Variants in MARCHF10 observed in about 807,000 individuals in gnomAD.
The protein encoded by MARCHF10 is probable E3 ubiquitin-protein ligase MARCHF10.
MARCHF10 carries 64 observed loss-of-function variants against 76.2 expected under a neutral mutation model. The observed-to-expected ratio is 0.84, with a 90% CI of 0.69 to 1.03. MARCHF10 has a LOEUF of 1.03. MARCHF10 is among the 50% of genes least tolerant of loss of function. The pLI is 0.00. For synonymous variants in MARCHF10, 340 were observed against 357.5 expected, an observed-to-expected ratio of 0.95 and a Z score of 0.55; for missense variants, 875 against 958.0, an observed-to-expected ratio of 0.91 and a Z score of 1.14.
chr17:62,733,972 C>G (rs2091148282), intron 6 of MARCHF10, among the ~76,000 whole-genome samples: 1 of 152,150 alleles, frequency 6.6e-6, no homozygotes, highest in African/African-American at 2.4e-5. Flanking sequence ...TGCTTGAGAT[C>G]AAGAGTTCGA....
intron 2 of MARCHF10, among the ~76,000 whole-genome samples, chr17:62,798,891 G>A (rs903992445): frequency 2.0e-5 from 3 of 152,312 alleles, no homozygotes; most frequent in Admixed American, 2.0e-4. Flanking sequence ...AGGATCTCAG[G>A]CTGGGTACCA....
chr17:62,744,343 A>G, intron 5 of MARCHF10, 33 bp downstream of exon 5: 1 of 1,593,992 alleles, frequency 6.3e-7, no homozygotes, highest in Non-Finnish European at 8.5e-7. Context: ...CCTCCTCTCC[A>G]AGGACAAAGG....
At chr17:62,750,404 G>C (rs1485409071) in intron 4 of MARCHF10, 4 of 154,074 alleles carry the variant, frequency 2.6e-5, no homozygotes, top group Non-Finnish European at 4.4e-5. Flanking sequence ...CTGGGCCACT[G>C]GGGAGGCAGG....
intron 5 of MARCHF10, among the ~76,000 whole-genome samples, chr17:62,742,199 C>T (rs1327050772): frequency 1.3e-5 from 2 of 150,724 alleles, no homozygotes; most frequent in Non-Finnish European, 3.0e-5. Context: ...TTTGTATTTT[C>T]TGTAGAGACA....
intron 3 of MARCHF10, among the ~76,000 whole-genome samples, chr17:62,782,649 G>A (rs187980906): frequency 1.2e-4 from 19 of 152,102 alleles, no homozygotes; most frequent in Non-Finnish European, 2.2e-4. Context: ...CTGGCCAAAC[G>A]ACTGTATTTT....
rs570613060 is a variant in MARCHF10, at chr17:62,738,176, G to T, written c.536-844C>A. Reference sequence around the variant, plus strand: ...TAACTTGAGAGTACCAAGGCTTAGGGCAGTCACATAACTAGCCCAAGATCC... The same window carrying T: ...TAACTTGAGAGTACCAAGGCTTAGGTCAGTCACATAACTAGCCCAAGATCC... On this transcript the variant is annotated intron_variant, in intron 5 of 10. Transcript: ENST00000311269. This position sits in a 1 kb window ranked among gnomAD's most constrained non-coding sequence, Gnocchi z 4.0. Among the ~76,000 whole-genome samples the T allele has an allele frequency of 6.6e-6, 1 of 151,650 alleles. No homozygotes were observed. The highest frequency in any genetic ancestry group is 6.6e-5 in the Admixed American group (1 of 15,234).
intron 7 of MARCHF10, among the ~76,000 whole-genome samples, chr17:62,722,952 C>CT (rs533155265): frequency 0.029 from 4,083 of 143,088 alleles, 204 homozygotes; most frequent in African/African-American, 0.096. Flanking sequence ...GACTATTCAG[C>CT]TTTTTTTTTT....
intron 9 of MARCHF10, among the ~76,000 whole-genome samples, chr17:62,710,705 T>G (rs988497416): frequency 7.9e-5 from 12 of 152,140 alleles, no homozygotes; most frequent in Non-Finnish European, 1.3e-4. Context: ...ATTACAGGCG[T>G]GTGCCACCAC....
At chr17:62,718,211 C>T (rs1332470327) in intron 8 of MARCHF10, among the ~76,000 whole-genome samples, 3 of 152,156 alleles carry the variant, frequency 2.0e-5, no homozygotes. Flanking sequence ...AGAGAATTGC[C>T]ATAGTCTCCT....
intron 4 of MARCHF10, 48 bp from the exon 5 acceptor site, chr17:62,744,576 T>C: frequency 6.2e-7 from 1 of 1,603,036 alleles, no homozygotes. Context: ...TACAGGAAAA[T>C]GTCTTCCATA....
chr17:62,705,153 T>C, intron 10 of MARCHF10: 1 of 1,176,778 alleles, frequency 8.5e-7, no homozygotes, highest in South Asian at 1.9e-5. Context: ...AGACAGCCCC[T>C]GCCAGGGCTT....
At chr17:62,783,852 TAACAGG>T (rs1468316588) in intron 3 of MARCHF10, among the ~76,000 whole-genome samples, 1 of 152,132 alleles carries the variant, frequency 6.6e-6, no homozygotes, top group East Asian at 1.9e-4. Context: ...AATAGACCAA[TAACAGG>T]CTCTGAAATT....
intron 6 of MARCHF10, among the ~76,000 whole-genome samples, chr17:62,730,201 A>G (rs2090962156): frequency 6.6e-6 from 1 of 152,216 alleles, no homozygotes; most frequent in African/African-American, 2.4e-5. Context: ...GAAAATGAAA[A>G]AAAAACCACA....
In MARCHF10 at chr17:62,808,203, C is replaced by T. The variant is rs1488525113; in HGVS notation, c.-144G>A. Reference sequence around the variant, plus strand: ...ACGGCCCTGAGCTCCTCTTCCTCCTCCTCTTTTTGCTTCTTCACTCCCTAC... The same window carrying T: ...ACGGCCCTGAGCTCCTCTTCCTCCTTCTCTTTTTGCTTCTTCACTCCCTAC... On this transcript the variant is annotated 5_prime_UTR_variant, in exon 1 of 11. Coordinates refer to ENST00000311269, the MANE Select transcript of MARCHF10 (RefSeq NM_152598.4). 1 of 152,650 alleles carries T rather than the reference C, an allele frequency of 6.6e-6. No homozygotes were observed. Among genetic ancestry groups the T allele is most frequent in the Non-Finnish European group, 1.5e-5 (1 of 68,394 alleles). 9.5% of individuals were successfully genotyped at this position (152,650 alleles called of 1,614,324 possible).
At chr17:62,797,618 G>C (rs993552855) in intron 2 of MARCHF10, among the ~76,000 whole-genome samples, 11 of 152,196 alleles carry the variant, frequency 7.2e-5, no homozygotes, top group Non-Finnish European at 1.5e-4. Context: ...GGTGAAGAAG[G>C]GGGAAGAAGA....
chr17:62,741,295 C>T (rs2091495593), intron 5 of MARCHF10, among the ~76,000 whole-genome samples: 1 of 152,184 alleles, frequency 6.6e-6, no homozygotes, highest in Admixed American at 6.5e-5. Flanking sequence ...TGTCCTTGCT[C>T]ATACATTTTT....
In MARCHF10 at chr17:62,736,587, C is replaced by T; in HGVS notation, c.1281G>A (p.Val427=). ...AENVWSDCIS[V]EHRPGTHDSE... ...AATCATGGGTGCCAGGCCTATGTTC[C>T]ACAGAAATACAATCACTCCATACAT... The change falls in exon 6 of 11, where the codon GTG becomes GTA. Residue 427 remains valine, a synonymous_variant. Coordinates refer to ENST00000311269, the MANE Select transcript of MARCHF10 (RefSeq NM_152598.4). 2 of 1,614,124 alleles carry T rather than the reference C, an allele frequency of 1.2e-6. No individual in the cohort carries two copies. The highest frequency in any genetic ancestry group is 1.3e-5 in the African/African-American group (1 of 75,008).
At position 62,701,435 on chromosome 17, in the gene MARCHF10, G is replaced by C. The variant is rs922189605; in HGVS notation, c.*268C>G. ...GCCACTGGACCTGGCAGGGCTTCTG[G>C]GCTAAGGGGGCAGCACCAGGCCAGC... On this transcript the variant is annotated 3_prime_UTR_variant, in exon 11 of 11. Transcript: ENST00000311269. The C allele has an allele frequency of 2.5e-5, 17 of 690,162 alleles. No individual in the cohort carries two copies. The highest frequency in any genetic ancestry group is 4.5e-4 in the Middle Eastern group (1 of 2,240). 42.8% of individuals were successfully genotyped at this position (690,162 alleles called of 1,614,324 possible).
At chr17:62,784,712 C>T (rs1005544004) in intron 3 of MARCHF10, among the ~76,000 whole-genome samples, 8 of 152,310 alleles carry the variant, frequency 5.3e-5, no homozygotes, top group Middle Eastern at 3.4e-3. Flanking sequence ...AAATCACAAG[C>T]ATTCCTATGC....
Sources: gnomAD v4.1 joint callset for allele counts (sites outside exome capture counted in the v4.1 genomes callset) on GRCh38, gnomAD v4.1.1 for gene constraint, Gnocchi (gnomAD v3.1) non-coding constraint, MANE v1.5 for transcripts, NCBI Gene and HGNC (gene_info 2026-07-23, HGNC 2026-07-21) for gene names.